Variants in KATNIP observed in about 807,000 individuals in gnomAD.
The protein encoded by KATNIP is katanin-interacting protein.
KATNIP carries 126 observed loss-of-function variants against 174.0 expected under a neutral mutation model. The ratio of observed to expected loss-of-function variants is 0.72; its 90% CI spans 0.63 to 0.84. KATNIP has a LOEUF of 0.84. Ranked by LOEUF, KATNIP falls within the 40% of genes least tolerant of loss-of-function variation. KATNIP has a pLI of 0.00. For synonymous variants in KATNIP, 810 were observed against 835.7 expected (o/e 0.97, Z 0.53); for missense variants, 1,958 against 2,109.7 (o/e 0.93, Z 1.41).
chr16:27,595,381 TCTCAAACGTA>T (rs998730112), intron 2 of KATNIP, among the ~76,000 whole-genome samples: 1 of 152,154 alleles, frequency 6.6e-6, no homozygotes, highest in Non-Finnish European at 1.5e-5. Flanking sequence ...TGAGACCCTG[TCTCAAACGTA>T]CTCACATACA....
At chr16:27,647,437 G>A (rs541963660) in intron 5 of KATNIP, among the ~76,000 whole-genome samples, 1 of 151,970 alleles carries the variant, frequency 6.6e-6, no homozygotes, top group South Asian at 2.1e-4. Context: ...GAACTCCTGG[G>A]CTCAAGCAAT....
intron 5 of KATNIP, among the ~76,000 whole-genome samples, chr16:27,636,073 G>C (rs567279097): frequency 3.9e-5 from 6 of 152,254 alleles, no homozygotes; most frequent in African/African-American, 1.2e-4. Context: ...AGGATCGCTT[G>C]AAGCCAGGAG....
At chr16:27,641,872 C>T (rs2076810506) in intron 5 of KATNIP, among the ~76,000 whole-genome samples, 1 of 152,220 alleles carries the variant, frequency 6.6e-6, no homozygotes, top group South Asian at 2.1e-4. Context: ...GGACTAGAAA[C>T]CCATGGGGAG....
At chr16:27,685,283 C>T (rs925339721) in intron 8 of KATNIP, 8 of 152,032 alleles carry the variant, frequency 5.3e-5, no homozygotes, top group Admixed American at 3.3e-4. Context: ...CCCAGCTACT[C>T]GGGAAGCTGA....
chr16:27,651,519 A>G (rs1385272829), intron 6 of KATNIP, among the ~76,000 whole-genome samples: 1 of 152,024 alleles, frequency 6.6e-6, no homozygotes, highest in Non-Finnish European at 1.5e-5. Context: ...GAGGAAATGC[A>G]TGTCCGCATA....
intron 5 of KATNIP, among the ~76,000 whole-genome samples, chr16:27,641,513 T>C (rs2076797574): frequency 6.6e-6 from 1 of 151,988 alleles, no homozygotes; most frequent in Non-Finnish European, 1.5e-5. Context: ...CTCAGTGCCA[T>C]GTGAACCTCT....
rs1169876725 is a variant in KATNIP, at chr16:27,699,617, A to T, written c.1179+18A>T. 6.2e-7 allele frequency: 1 copy of T among 1,613,928 alleles called. No homozygotes were observed. The highest frequency in any genetic ancestry group is 8.5e-7 in the Non-Finnish European group (1 of 1,179,918). On this transcript the variant is annotated intron_variant, in intron 10 of 27. Coordinates refer to ENST00000261588, the MANE Select transcript of KATNIP (RefSeq NM_015202.5). ...CCCTTGAGGTCAGTGCTAGGCAGAG[A>T]TGAATGACAAAGCCCCACGCATGTG... is the stretch of plus-strand genomic sequence containing the variant.
chr16:27,723,151 C>G (rs118070102), intron 14 of KATNIP, among the ~76,000 whole-genome samples: 2 of 152,134 alleles, frequency 1.3e-5, no homozygotes, highest in Non-Finnish European at 2.9e-5. Flanking sequence ...CCTAATCGCT[C>G]CCTTCAGTCT....
intron 2 of KATNIP, among the ~76,000 whole-genome samples, chr16:27,580,299 A>C (rs565809886): frequency 6.6e-6 from 1 of 152,082 alleles, no homozygotes; most frequent in South Asian, 2.1e-4. Context: ...TTTTTGTAGA[A>C]ACAGGGTTTT....
intron 7 of KATNIP, chr16:27,679,109 G>A (rs907189119): frequency 1.3e-5 from 2 of 152,242 alleles, no homozygotes; most frequent in African/African-American, 4.8e-5. Context: ...GGAATGTTTG[G>A]AATCAGACAG....
intron 13 of KATNIP, among the ~76,000 whole-genome samples, chr16:27,720,649 G>A (rs1179274268): frequency 2.0e-5 from 3 of 152,016 alleles, no homozygotes; most frequent in Admixed American, 2.0e-4. Flanking sequence ...GTGGGACACC[G>A]AGGTAGGCAC....
In KATNIP at chr16:27,778,779, A is replaced by G. The variant is rs1344007766; in HGVS notation, c.*150A>G. On this transcript the variant is annotated 3_prime_UTR_variant, in exon 28 of 28. Transcript: ENST00000261588. ...CGCTGGGAAGAGGGGACTCGGGAGG[A>G]CAGCCCTGGATACTACCAGAGTGAC... is the stretch of plus-strand genomic sequence containing the variant. 1.5e-6 allele frequency: 1 copy of G among 665,472 alleles called. No homozygotes were observed. Among genetic ancestry groups the G allele is most frequent in the African/African-American group, 1.8e-5 (1 of 54,902 alleles). 41.2% of individuals were successfully genotyped at this position (665,472 alleles called of 1,614,324 possible). A position where few individuals can be genotyped will look rare whatever the true frequency, so the allele number is the denominator to read the frequency against.
chr16:27,745,576 A>C (rs571335496), intron 15 of KATNIP, among the ~76,000 whole-genome samples: 1 of 152,220 alleles, frequency 6.6e-6, no homozygotes, highest in Non-Finnish European at 1.5e-5. Flanking sequence ...TGGAATAAAC[A>C]TGGCTCTGTG....
intron 6 of KATNIP, 31 bp from the exon 7 acceptor site, chr16:27,677,698 A>G (rs1208179466): frequency 6.3e-7 from 1 of 1,577,930 alleles, no homozygotes. Context: ...TACCATATTT[A>G]TCTCTCATCT....
chr16:27,736,942 C>T (rs529151952), intron 14 of KATNIP, among the ~76,000 whole-genome samples: 4 of 152,024 alleles, frequency 2.6e-5, no homozygotes, highest in East Asian at 1.9e-4. Flanking sequence ...GAGAGAGAGC[C>T]GAGGGACGTG....
chr16:27,699,724 T>C, intron 10 of KATNIP, 125 bp downstream of exon 10: 1 of 1,279,476 alleles, frequency 7.8e-7, no homozygotes, highest in Non-Finnish European at 1.1e-6. Context: ...CCAGGGCGCT[T>C]TCCTTCACAC....
chr16:27,592,551 G>C (rs147002368), intron 2 of KATNIP, among the ~76,000 whole-genome samples: 5 of 151,898 alleles, frequency 3.3e-5, no homozygotes, highest in Admixed American at 1.3e-4. Context: ...CCAGGATGTC[G>C]AGACTGCAGT....
At position 27,708,790 on chromosome 16, in the gene KATNIP, G is replaced by A; in HGVS notation, c.1475G>A (p.Trp492Ter). Residue 492 changes from tryptophan to a stop codon, truncating the protein, a stop_gained, in exon 13 of 28, where the codon TGG (tryptophan) becomes TAG (stop). Coordinates refer to ENST00000261588, the MANE Select transcript of KATNIP (RefSeq NM_015202.5). LOFTEE classifies it high-confidence loss of function. ...CTGTCCAACTGGGGCAACTCGTGGT[G>A]GGTGGGTCTCACAGAAGTCGAGTTC... is the stretch of plus-strand genomic sequence containing the variant. ...EILSNWGNSW[W>*]VGLTEVEFFD... 1 of 1,613,908 alleles carries A rather than the reference G, an allele frequency of 6.2e-7. No homozygotes were observed. Among genetic ancestry groups the A allele is most frequent in the South Asian group, 1.1e-5 (1 of 91,076 alleles).
chr16:27,664,019 C>T (rs1432074402), intron 6 of KATNIP, among the ~76,000 whole-genome samples: 2 of 152,052 alleles, frequency 1.3e-5, no homozygotes, highest in Non-Finnish European at 2.9e-5. Flanking sequence ...GCTATGTTGC[C>T]CAGACTGGTC....
Sources: gnomAD v4.1 joint callset for allele counts (sites outside exome capture counted in the v4.1 genomes callset) on GRCh38, gnomAD v4.1.1 for gene constraint, MANE v1.5 for transcripts, NCBI Gene and HGNC (gene_info 2026-07-23, HGNC 2026-07-21) for gene names.